Variants in DNAH6 observed in about 807,000 individuals in gnomAD.
The protein encoded by DNAH6 is dynein axonemal heavy chain 6.
DNAH6 carries 340 observed loss-of-function variants against 491.4 expected under a neutral mutation model. The observed-to-expected ratio is 0.69, with a 90% CI of 0.63 to 0.76. The LOEUF is 0.76. Among genes scored for constraint, DNAH6 ranks in the 30% least tolerant of loss-of-function variants. The pLI, the probability that DNAH6 is intolerant of heterozygous loss-of-function variation, is 0.00. For missense variants in DNAH6, 4,443 were observed against 4,972.2 expected (o/e 0.89, Z 3.20); for synonymous variants, 1,603 against 1,686.1 (o/e 0.95, Z 1.21).
chr2:84,614,556 G>A (rs1573226687), intron 22 of DNAH6, among the ~76,000 whole-genome samples: 1 of 152,064 alleles, frequency 6.6e-6, no homozygotes, highest in African/African-American at 2.4e-5. Context: ...CCCAGTAATG[G>A]GATTGCTGGA....
chr2:84,658,279 G>A lies in DNAH6; in HGVS notation c.5758-13G>A. The A allele has an allele frequency of 6.7e-7, 1 of 1,494,494 alleles. No individual in the cohort carries two copies. Among genetic ancestry groups the A allele is most frequent in the Non-Finnish European group, 8.9e-7 (1 of 1,117,892 alleles). The allele number at this position is 1,494,494 out of a possible 1,614,324, so 92.6% of individuals were successfully genotyped here. A position where few individuals can be genotyped will look rare whatever the true frequency, so the allele number is the denominator to read the frequency against. On this transcript the variant is annotated splice_polypyrimidine_tract_variant and intron_variant, in intron 35 of 76. Coordinates refer to ENST00000389394, the MANE Select transcript of DNAH6 (RefSeq NM_001370.2). ...ATCAGGTCTTGCTAAACTATCATTT[G>A]TTTCATTTTCAGCTGACTGAGGAAA...
At chr2:84,716,122 CATATATACATATATACCCAT>C (rs1335687555) in intron 58 of DNAH6, among the ~76,000 whole-genome samples, 1 of 149,558 alleles carries the variant, frequency 6.7e-6, no homozygotes, top group Non-Finnish European at 1.5e-5. Flanking sequence ...TATATATACA[CATATATACATATATACCCAT>C]ATATATACAT....
chr2:84,571,489 C>G (rs1188208713), intron 11 of DNAH6, among the ~76,000 whole-genome samples: 1 of 152,008 alleles, frequency 6.6e-6, no homozygotes, highest in Non-Finnish European at 1.5e-5. Context: ...GCATTACTGC[C>G]AAAAATTTAA....
chr2:84,812,564 A>G (rs1211511508), intron 73 of DNAH6, 38 bp downstream of exon 73: 2 of 1,526,712 alleles, frequency 1.3e-6, no homozygotes, highest in East Asian at 4.9e-5. Context: ...GATGAATCTG[A>G]TGGCATAGTT....
chr2:84,566,415 A>G (rs918134730), intron 11 of DNAH6, among the ~76,000 whole-genome samples: 4 of 152,106 alleles, frequency 2.6e-5, no homozygotes, highest in African/African-American at 9.6e-5. Context: ...CATATGATGG[A>G]CACTTTTATG....
At chr2:84,662,331 G>T (rs1208188115) in intron 37 of DNAH6, among the ~76,000 whole-genome samples, 1 of 152,180 alleles carries the variant, frequency 6.6e-6, no homozygotes, top group Non-Finnish European at 1.5e-5. Flanking sequence ...AGCACAAGGG[G>T]TTGGGTAATT....
intron 10 of DNAH6, among the ~76,000 whole-genome samples, chr2:84,553,364 C>T (rs1000526406): frequency 2.5e-4 from 3 of 12,138 alleles, no homozygotes; most frequent in Non-Finnish European, 5.2e-4. Context: ...CTTTTCTTTT[C>T]TTTTCTTTCT....
intron 22 of DNAH6, among the ~76,000 whole-genome samples, chr2:84,614,764 T>A (rs867674225): frequency 2.1e-4 from 32 of 152,306 alleles, no homozygotes; most frequent in African/African-American, 7.5e-4. Flanking sequence ...TGATTTGCAT[T>A]TCCCTGATCA....
At chr2:84,581,787 G>C (rs1351721298) in intron 14 of DNAH6, among the ~76,000 whole-genome samples, 1 of 152,224 alleles carries the variant, frequency 6.6e-6, no homozygotes, top group Non-Finnish European at 1.5e-5. Flanking sequence ...TTATAAAGAT[G>C]TTAAGTAGAA....
chr2:84,742,561 C>T (rs1672627377), intron 62 of DNAH6, among the ~76,000 whole-genome samples: 1 of 152,108 alleles, frequency 6.6e-6, no homozygotes, highest in African/African-American at 2.4e-5. Context: ...ACTACAGCAT[C>T]CAAAATGTCA....
chr2:84,682,667 G>A (rs959763842), intron 42 of DNAH6, among the ~76,000 whole-genome samples: 9 of 152,124 alleles, frequency 5.9e-5, no homozygotes, highest in Non-Finnish European at 1.5e-5. Flanking sequence ...ACCATTAGTT[G>A]CTCTGGCTAG....
At chr2:84,613,101 A>G (rs1179959036) in intron 22 of DNAH6, among the ~76,000 whole-genome samples, 4 of 152,046 alleles carry the variant, frequency 2.6e-5, no homozygotes, top group Admixed American at 2.6e-4. Flanking sequence ...TAATAAAGCT[A>G]TGAAGAAAAA....
At chr2:84,752,439 G>A (rs910388072) in intron 63 of DNAH6, among the ~76,000 whole-genome samples, 3 of 152,078 alleles carry the variant, frequency 2.0e-5, no homozygotes, top group African/African-American at 4.8e-5. Context: ...ATCATGTGTA[G>A]TAACAACAAT....
intron 33 of DNAH6, among the ~76,000 whole-genome samples, chr2:84,644,519 CACAG>C (rs1390804647): frequency 6.6e-6 from 1 of 151,922 alleles, no homozygotes; most frequent in Non-Finnish European, 1.5e-5. Context: ...TGGTTTGCTG[CACAG>C]ATCATCCCAT....
intron 37 of DNAH6, among the ~76,000 whole-genome samples, chr2:84,667,490 A>C (rs1165025902): frequency 6.6e-6 from 1 of 152,252 alleles, no homozygotes; most frequent in Non-Finnish European, 1.5e-5. Flanking sequence ...GCCAACAGAC[A>C]CATGAAAAAA....
chr2:84,760,898 A>G (rs1674515995), intron 63 of DNAH6, among the ~76,000 whole-genome samples: 1 of 152,186 alleles, frequency 6.6e-6, no homozygotes, highest in Non-Finnish European at 1.5e-5. Flanking sequence ...GGCATGAGCC[A>G]CCATGCCTGG....
intron 35 of DNAH6, among the ~76,000 whole-genome samples, chr2:84,656,962 T>C (rs1003189590): frequency 6.6e-6 from 1 of 152,066 alleles, no homozygotes; most frequent in Non-Finnish European, 1.5e-5. Flanking sequence ...AAAAACTGTA[T>C]ATTTTTTGCT....
intron 35 of DNAH6, among the ~76,000 whole-genome samples, chr2:84,655,369 A>G (rs1690853581): frequency 6.6e-6 from 1 of 152,104 alleles, no homozygotes; most frequent in African/African-American, 2.4e-5. Flanking sequence ...GTTTCATACT[A>G]CTTTCTGTAG....
the DNAH6 span, among the ~76,000 whole-genome samples, chr2:84,474,638 C>G: frequency 6.6e-6 from 1 of 152,156 alleles, no homozygotes; most frequent in Admixed American, 6.5e-5. Flanking sequence ...AGTCTTTACC[C>G]CATAAATTAA....
Sources: gnomAD v4.1 joint callset for allele counts (sites outside exome capture counted in the v4.1 genomes callset) on GRCh38, gnomAD v4.1.1 for gene constraint, MANE v1.5 for transcripts, NCBI Gene and HGNC (gene_info 2026-07-23, HGNC 2026-07-21) for gene names.